The following TMEM123 variants were observed in gnomAD, a reference collection of about 807,000 sequenced individuals.
TMEM123 encodes the protein porimin.
TMEM123 carries 16 observed loss-of-function variants against 19.7 expected under a neutral mutation model. That is an observed-to-expected ratio of 0.81 (90% CI 0.55 to 1.23). TMEM123 has a LOEUF of 1.23. Among genes scored for constraint, TMEM123 ranks in the 50% most tolerant of loss-of-function variants. TMEM123 has a pLI of 0.00. For synonymous variants in TMEM123, 118 were observed against 99.4 expected (o/e 1.19, Z -1.12); for missense variants, 313 against 257.8 (o/e 1.21, Z -1.47).
At chr11:102,426,711 T>G (rs1370700019) in intron 2 of TMEM123, among the ~76,000 whole-genome samples, 1 of 152,184 alleles carries the variant, frequency 6.6e-6, no homozygotes, top group Non-Finnish European at 1.5e-5. Context: ...AAATTACCTT[T>G]GACTTCAAAA....
At chr11:102,417,804 A>G (rs932257299) in intron 2 of TMEM123, among the ~76,000 whole-genome samples, 15 of 152,182 alleles carry the variant, frequency 9.9e-5, no homozygotes, top group Non-Finnish European at 1.8e-4. Context: ...ACACGGAACA[A>G]TGGAACAGGT....
chr11:102,407,376 A>G (rs1488169633), intron 2 of TMEM123, among the ~76,000 whole-genome samples: 1 of 152,192 alleles, frequency 6.6e-6, no homozygotes, highest in Non-Finnish European at 1.5e-5. Flanking sequence ...ATAACACCTC[A>G]GCTAGTGCAG....
At chr11:102,428,150 G>GA (rs1565352653) in intron 2 of TMEM123, among the ~76,000 whole-genome samples, 2 of 151,672 alleles carry the variant, frequency 1.3e-5, no homozygotes, top group African/African-American at 4.8e-5. Context: ...TAGCTAAGAA[G>GA]AAAAAAACAA....
intron 2 of TMEM123, among the ~76,000 whole-genome samples, chr11:102,446,520 C>G (rs1857884633): frequency 6.6e-6 from 1 of 152,216 alleles, no homozygotes; most frequent in African/African-American, 2.4e-5. Context: ...CAGTACACAT[C>G]TGCAAAATGT....
At chr11:102,408,252 G>A (rs997644401) in intron 2 of TMEM123, among the ~76,000 whole-genome samples, 1 of 152,202 alleles carries the variant, frequency 6.6e-6, no homozygotes, top group African/African-American at 2.4e-5. Context: ...AGACGACAAA[G>A]AATGCACACG....
chr11:102,439,178 G>A (rs1027718694), intron 2 of TMEM123, among the ~76,000 whole-genome samples: 1 of 152,148 alleles, frequency 6.6e-6, no homozygotes, highest in African/African-American at 2.4e-5. Flanking sequence ...ATACATAGCT[G>A]AACAAAGGGC....
At chr11:102,398,914 ATTAC>A (rs771078066) in intron 4 of TMEM123, 23 bp from the exon 5 acceptor site, 3 of 1,598,982 alleles carry the variant, frequency 1.9e-6, no homozygotes, top group East Asian at 2.2e-5. Flanking sequence ...AAAAGTTACA[ATTAC>A]TTTGTTTTGT....
At chr11:102,426,541 TAGTAG>T in intron 2 of TMEM123, among the ~76,000 whole-genome samples, 1 of 151,950 alleles carries the variant, frequency 6.6e-6, no homozygotes, top group East Asian at 1.9e-4. Flanking sequence ...TTGAGCTAAC[TAGTAG>T]ACTTACAAAG....
At chr11:102,424,082 A>C (rs967580615) in intron 2 of TMEM123, among the ~76,000 whole-genome samples, 1 of 152,188 alleles carries the variant, frequency 6.6e-6, no homozygotes, top group Non-Finnish European at 1.5e-5. Context: ...AAAAGCAGCA[A>C]ATTGAGGGAG....
intron 2 of TMEM123, among the ~76,000 whole-genome samples, chr11:102,440,297 G>A (rs528408098): frequency 7.2e-5 from 11 of 152,318 alleles, no homozygotes; most frequent in Non-Finnish European, 1.2e-4. Flanking sequence ...GGCAGCCAGA[G>A]AGAAAGGTTG....
intron 4 of TMEM123, among the ~76,000 whole-genome samples, chr11:102,399,918 C>A (rs956997422): frequency 6.6e-6 from 1 of 151,524 alleles, no homozygotes; most frequent in Non-Finnish European, 1.5e-5. Context: ...TGCAGTGAGC[C>A]GAGATCGTGC....
intron 4 of TMEM123, among the ~76,000 whole-genome samples, chr11:102,401,127 TTG>T (rs1278274618): frequency 2.6e-5 from 4 of 152,188 alleles, no homozygotes; most frequent in Non-Finnish European, 4.4e-5. Flanking sequence ...GGAATTTTTT[TTG>T]TCTTTGTCGT....
At chr11:102,447,546 T>C (rs1360758299) in intron 2 of TMEM123, among the ~76,000 whole-genome samples, 1 of 152,228 alleles carries the variant, frequency 6.6e-6, no homozygotes, top group Non-Finnish European at 1.5e-5. Flanking sequence ...ACTGTCTTTA[T>C]GTTTCTTCTA....
intron 2 of TMEM123, among the ~76,000 whole-genome samples, chr11:102,410,771 AG>A (rs1951997657): frequency 6.6e-6 from 1 of 152,062 alleles, no homozygotes; most frequent in African/African-American, 2.4e-5. Context: ...CACACAGAAG[AG>A]ACGTGATCCT....
intron 2 of TMEM123, among the ~76,000 whole-genome samples, chr11:102,413,550 G>T (rs1952021595): frequency 6.6e-6 from 1 of 152,100 alleles, no homozygotes; most frequent in Non-Finnish European, 1.5e-5. Flanking sequence ...TTAACTTCGA[G>T]GGGCCAGAAA....
intron 2 of TMEM123, among the ~76,000 whole-genome samples, chr11:102,432,778 G>T (rs937761022): frequency 6.6e-6 from 1 of 152,222 alleles, no homozygotes; most frequent in Non-Finnish European, 1.5e-5. Context: ...AGGCCCAGGG[G>T]CCCCCTGCTC....
In TMEM123 at chr11:102,401,641, C is replaced by T; in HGVS notation, c.500G>A (p.Gly167Glu). ...TAATACAATACCACCAACAAAGCTC[C>T]CAGTATCAAATTTTGATCCTTTCTT... Reference protein sequence around the residue: ...EAKKGSKFDTGSFVGGIVLTL... With the variant: ...EAKKGSKFDTESFVGGIVLTL... Residue 167 changes from glycine (G) to glutamate (E), a missense_variant, in exon 4 of 5, where the codon GGG (glycine) becomes GAG (glutamate). Coordinates refer to ENST00000398136, the MANE Select transcript of TMEM123 (RefSeq NM_052932.3). The T allele has an allele frequency of 6.2e-7, 1 of 1,607,766 alleles. No homozygotes were observed.
chr11:102,410,774 C>T (rs936635893), intron 2 of TMEM123, among the ~76,000 whole-genome samples: 1 of 151,964 alleles, frequency 6.6e-6, no homozygotes, highest in Non-Finnish European at 1.5e-5. Flanking sequence ...ACAGAAGAGA[C>T]GTGATCCTTA....
rs1189126781 is a variant in TMEM123, at chr11:102,396,409, A to C, written c.*2458T>G. 1 of 152,070 alleles carries C rather than the reference A, an allele frequency of 6.6e-6. No individual in the cohort carries two copies. Among genetic ancestry groups the C allele is most frequent in the African/African-American group, 2.4e-5 (1 of 41,392 alleles). 9.4% of individuals were successfully genotyped at this position (152,070 alleles called of 1,614,324 possible). ...TACCAAAAGCTGGTCATTATAATAA[A>C]AAGAAAAGAAGAGTTTAACTTTTTT... On this transcript the variant is annotated 3_prime_UTR_variant, in exon 5 of 5. Transcript: ENST00000398136.
Sources: gnomAD v4.1 joint callset for allele counts (sites outside exome capture counted in the v4.1 genomes callset) on GRCh38, gnomAD v4.1.1 for gene constraint, MANE v1.5 for transcripts, NCBI Gene and HGNC (gene_info 2026-07-23, HGNC 2026-07-21) for gene names.